The following FAF1 variants were observed in gnomAD, a reference collection of about 807,000 sequenced individuals.
FAF1 encodes FAS-associated factor 1.
In FAF1, 25 loss-of-function variants were observed where a neutral mutation model predicts 92.5. The observed-to-expected ratio is 0.27, with a 90% CI of 0.20 to 0.38. The LOEUF is 0.38. Ranked by LOEUF, FAF1 falls within the 10% of genes least tolerant of loss-of-function variation. FAF1 has a pLI of 1.00. For synonymous variants in FAF1, 234 were observed against 273.2 expected, an observed-to-expected ratio of 0.86 and a Z score of 1.42; for missense variants, 636 against 793.3, an observed-to-expected ratio of 0.80 and a Z score of 2.38.
chr1:50,726,398 T>C (rs561486061), intron 6 of FAF1, among the ~76,000 whole-genome samples: 6 of 152,144 alleles, frequency 3.9e-5, no homozygotes, highest in Middle Eastern at 6.8e-3. Context: ...TGCTGTTATA[T>C]AAAAATGAAG....
At position 50,958,591 on chromosome 1, in the gene FAF1, T is replaced by A. The variant is rs949953386; in HGVS notation, c.45+1176A>T. On this transcript the variant is annotated intron_variant, in intron 1 of 18. Coordinates refer to ENST00000396153, the MANE Select transcript of FAF1 (RefSeq NM_007051.3). ...TACTCGGGAGGCTGAGGCAGGAGAA[T>A]GGCGTGAACCTGGGAGGCGGAGCTT... Among the ~76,000 whole-genome samples the A allele has an allele frequency of 2.0e-5, 3 of 150,762 alleles. No homozygotes were observed. The East Asian group carries it at 5.9e-4, about 29-fold the overall frequency.
In FAF1 at chr1:50,833,485, T is replaced by A. The variant is rs1450411809; in HGVS notation, c.114+24444A>T. Among the ~76,000 whole-genome samples, 7 of 152,202 alleles carry A rather than the reference T, an allele frequency of 4.6e-5. No homozygotes were observed. In the East Asian group the frequency reaches 1.3e-3, roughly 29 times the overall value. Reference sequence around the variant, plus strand: ...CAGCACCTCACTGCATTCACCAATCTGGAAGCTCTCCAAATCCTGTTGTTT... The same window carrying A: ...CAGCACCTCACTGCATTCACCAATCAGGAAGCTCTCCAAATCCTGTTGTTT... On this transcript the variant is annotated intron_variant, in intron 2 of 18. Coordinates refer to ENST00000396153, the MANE Select transcript of FAF1 (RefSeq NM_007051.3).
intron 1 of FAF1, among the ~76,000 whole-genome samples, chr1:50,902,772 T>C (rs1214954078): frequency 6.6e-6 from 1 of 152,232 alleles, no homozygotes; most frequent in Non-Finnish European, 1.5e-5. Flanking sequence ...ATGTAAATGA[T>C]ATGTAAGTAG....
At chr1:50,759,988 T>C (rs1301952053) in intron 4 of FAF1, among the ~76,000 whole-genome samples, 1 of 152,186 alleles carries the variant, frequency 6.6e-6, no homozygotes. Flanking sequence ...CACCCACTTT[T>C]TGATGGGGTT....
intron 1 of FAF1, among the ~76,000 whole-genome samples, chr1:50,886,272 G>A (rs923915617): frequency 2.0e-5 from 3 of 152,148 alleles, no homozygotes; most frequent in African/African-American, 4.8e-5. Context: ...CAGGTCTGGT[G>A]TTGATGAAAT....
intron 18 of FAF1, among the ~76,000 whole-genome samples, chr1:50,457,184 T>C (rs947039752): frequency 6.7e-6 from 1 of 150,322 alleles, no homozygotes; most frequent in African/African-American, 2.5e-5. Context: ...AGCAAAAGAA[T>C]CTTCAGGTTT....
chr1:50,498,104 C>T (rs1417361441), intron 15 of FAF1, among the ~76,000 whole-genome samples: 9 of 152,056 alleles, frequency 5.9e-5, no homozygotes. Flanking sequence ...GAAAGAAATC[C>T]TCACATATAT....
At chr1:50,773,427 A>G (rs1232900434) in intron 4 of FAF1, among the ~76,000 whole-genome samples, 1 of 152,254 alleles carries the variant, frequency 6.6e-6, no homozygotes, top group African/African-American at 2.4e-5. Flanking sequence ...GGAACAATCT[A>G]TGTGCCCGTC....
In FAF1 at chr1:50,600,127, T is replaced by C. The variant is rs574047784; in HGVS notation, c.745-3911A>G. On this transcript the variant is annotated intron_variant, in intron 8 of 18. Coordinates refer to ENST00000396153, the MANE Select transcript of FAF1 (RefSeq NM_007051.3). ...CAAGGAACAGGTCTGACAGTATTAA[T>C]TGCCAATGACAAAATTTGAGTTTTC... is the stretch of plus-strand genomic sequence containing the variant. Among the ~76,000 whole-genome samples, 23 of 152,300 alleles carry C rather than the reference T, an allele frequency of 1.5e-4. No homozygotes were observed. In the South Asian group the frequency reaches 3.3e-3, roughly 22 times the overall value.
At chr1:50,729,058 A>ATATATATTTTTTT (rs1375923156) in intron 6 of FAF1, among the ~76,000 whole-genome samples, 13 of 70,116 alleles carry the variant, frequency 1.9e-4, no homozygotes, top group Admixed American at 1.7e-4. Flanking sequence ...ATATATATAT[A>ATATATATTTTTTT]TTTTTTTTTT....
intron 2 of FAF1, among the ~76,000 whole-genome samples, chr1:50,830,121 C>T (rs59786222): frequency 0.12 from 17,887 of 152,040 alleles, 1,273 homozygotes; most frequent in African/African-American, 0.2. Flanking sequence ...TTTTTTGGGT[C>T]TTTTTGGTTT....
intron 8 of FAF1, among the ~76,000 whole-genome samples, chr1:50,618,414 G>GTTTTTTTTTTTTTTTTTTTTTGTT (rs540421778): frequency 8.9e-6 from 1 of 111,886 alleles, no homozygotes; most frequent in Non-Finnish European, 1.8e-5. Context: ...AGTTTTTAGA[G>GTTTTTTTTTTTTTTTTTTTTTGTT]TTTTTTTTTT....
intron 4 of FAF1, among the ~76,000 whole-genome samples, chr1:50,755,517 G>A (rs908003548): frequency 7.2e-5 from 11 of 152,164 alleles, no homozygotes; most frequent in African/African-American, 2.7e-4. Flanking sequence ...CAGGTTCACG[G>A]TGCAAGCTGT....
intron 1 of FAF1, among the ~76,000 whole-genome samples, chr1:50,950,253 A>G (rs150794396): frequency 2.6e-5 from 4 of 152,372 alleles, no homozygotes; most frequent in African/African-American, 9.6e-5. Context: ...AGCTACAGCC[A>G]GTCTACCTAA....
At chr1:50,565,377 T>A (rs996756398) in intron 13 of FAF1, among the ~76,000 whole-genome samples, 1 of 152,082 alleles carries the variant, frequency 6.6e-6, no homozygotes, top group African/African-American at 2.4e-5. Flanking sequence ...AAATATCCTA[T>A]CATACTTAAT....
chr1:50,958,519 T>C (rs370070091), intron 1 of FAF1, among the ~76,000 whole-genome samples: 6 of 151,620 alleles, frequency 4.0e-5, no homozygotes, highest in African/African-American at 1.5e-4. Context: ...CTACTAAAAA[T>C]ACAAAAATAT....
At chr1:50,809,203 C>T (rs972669307) in intron 2 of FAF1, among the ~76,000 whole-genome samples, 1 of 151,908 alleles carries the variant, frequency 6.6e-6, no homozygotes, top group Admixed American at 6.6e-5. Flanking sequence ...TAACATCACA[C>T]CTTGAATTAA....
At chr1:50,952,217 C>T (rs1205169660) in intron 1 of FAF1, among the ~76,000 whole-genome samples, 1 of 152,222 alleles carries the variant, frequency 6.6e-6, no homozygotes, top group Non-Finnish European at 1.5e-5. Context: ...GCCTGATTCT[C>T]CTGCCTCAGC....
chr1:50,625,804 AG>A (rs1569613953), intron 8 of FAF1, among the ~76,000 whole-genome samples: 1 of 152,214 alleles, frequency 6.6e-6, no homozygotes, highest in African/African-American at 2.4e-5. Flanking sequence ...ATTATCTTGT[AG>A]GCAACGGGAA....
Sources: allele counts gnomAD v4.1 joint callset (sites outside exome capture counted in the v4.1 genomes callset), GRCh38; gene constraint gnomAD v4.1.1; transcripts MANE v1.5; gene names NCBI Gene and HGNC (gene_info 2026-07-23, HGNC 2026-07-21).